Variants in CRACD observed in about 807,000 individuals in gnomAD.
The protein encoded by CRACD is capping protein inhibiting regulator of actin dynamics.
A neutral mutation model predicts 106.8 loss-of-function variants in CRACD; 56 were observed. The ratio of observed to expected loss-of-function variants is 0.52; its 90% CI spans 0.42 to 0.66. CRACD has a LOEUF of 0.66. Ranked by LOEUF, CRACD falls within the 30% of genes least tolerant of loss-of-function variation. CRACD has a pLI of 0.00. For missense variants in CRACD, 1,730 were observed against 1,623.2 expected (o/e 1.07, Z -1.13); for synonymous variants, 754 against 670.8 (o/e 1.12, Z -1.92).
intron 3 of CRACD, among the ~76,000 whole-genome samples, chr4:56,295,364 C>A (rs962966908): frequency 2.0e-5 from 3 of 151,990 alleles, no homozygotes; most frequent in Non-Finnish European, 2.9e-5. Context: ...ATAAATGTTA[C>A]CACTGTGACC....
chr4:56,070,096 G>C (rs972330201), intron 1 of CRACD, among the ~76,000 whole-genome samples: 2 of 152,186 alleles, frequency 1.3e-5, no homozygotes, highest in African/African-American at 4.8e-5. Flanking sequence ...AATCGAGAAA[G>C]TCGGTAGCTT....
At chr4:56,126,776 A>G (rs1429340009) in intron 1 of CRACD, among the ~76,000 whole-genome samples, 3 of 152,216 alleles carry the variant, frequency 2.0e-5, no homozygotes, top group Non-Finnish European at 4.4e-5. Context: ...TCAAAATATT[A>G]TGATCCCACT....
chr4:56,236,413 G>A (rs545523438), intron 2 of CRACD, among the ~76,000 whole-genome samples: 1 of 152,270 alleles, frequency 6.6e-6, no homozygotes, highest in South Asian at 2.1e-4. Flanking sequence ...CCATGTTGTG[G>A]TACTTTATTG....
At chr4:56,108,856 G>T (rs1339460894) in intron 1 of CRACD, among the ~76,000 whole-genome samples, 1 of 152,196 alleles carries the variant, frequency 6.6e-6, no homozygotes, top group African/African-American at 2.4e-5. Flanking sequence ...TATCTACTAC[G>T]AACTTCAAAG....
chr4:56,249,904 C>G (rs1046878528), intron 2 of CRACD, among the ~76,000 whole-genome samples: 3 of 152,136 alleles, frequency 2.0e-5, no homozygotes, highest in South Asian at 2.1e-4. Flanking sequence ...ATGTGTTTGT[C>G]CAGAATTGTA....
chr4:56,327,585 GA>G, intron 10 of CRACD, 58 bp from the exon 11 acceptor site: 1 of 1,496,398 alleles, frequency 6.7e-7, no homozygotes, highest in Admixed American at 1.9e-5. Flanking sequence ...TAATTAAAAA[GA>G]AAATTTGTAG....
chr4:56,089,467 G>A (rs1454253217), intron 1 of CRACD, among the ~76,000 whole-genome samples: 1 of 152,006 alleles, frequency 6.6e-6, no homozygotes, highest in Admixed American at 6.6e-5. Flanking sequence ...TGTGTGTGCA[G>A]GAACTATTTA....
At chr4:56,060,727 A>G (rs1426302090) in intron 1 of CRACD, among the ~76,000 whole-genome samples, 1 of 152,132 alleles carries the variant, frequency 6.6e-6, no homozygotes, top group Non-Finnish European at 1.5e-5. Flanking sequence ...AGGTGATGGT[A>G]TTAGGAAGTG....
chr4:56,213,747 C>T (rs1223223754), intron 2 of CRACD, among the ~76,000 whole-genome samples: 1 of 152,184 alleles, frequency 6.6e-6, no homozygotes, highest in East Asian at 1.9e-4. Flanking sequence ...AGTTGGTCAC[C>T]TTTGATTGGC....
intron 1 of CRACD, among the ~76,000 whole-genome samples, chr4:56,071,984 C>G (rs913449927): frequency 6.6e-6 from 1 of 151,528 alleles, no homozygotes; most frequent in African/African-American, 2.4e-5. Context: ...AAAAATTAGC[C>G]GGGCGTGGTG....
In CRACD at chr4:56,330,609, A is replaced by T. The variant is rs563233895; in HGVS notation, c.*2805A>T. Among the ~76,000 whole-genome samples the T allele has an allele frequency of 1.3e-5, 2 of 152,230 alleles. No individual in the cohort carries two copies. Among genetic ancestry groups the T allele is most frequent in the African/African-American group, 4.8e-5 (2 of 41,462 alleles). ...TCTTTCAATAAAAAATACCCACGAG[A>T]TCTTCGGCACTGATGGAATTTGATT... On this transcript the variant is annotated 3_prime_UTR_variant, in exon 11 of 11. Transcript: ENST00000682029.
intron 2 of CRACD, among the ~76,000 whole-genome samples, chr4:56,233,865 CTCTTA>C (rs1021368802): frequency 2.0e-4 from 30 of 152,176 alleles, no homozygotes; most frequent in Middle Eastern, 3.4e-3. Flanking sequence ...TTTTTTATTT[CTCTTA>C]TAATTGTTTT....
At chr4:56,075,630 C>T (rs1157906781) in intron 1 of CRACD, among the ~76,000 whole-genome samples, 1 of 152,120 alleles carries the variant, frequency 6.6e-6, no homozygotes, top group African/African-American at 2.4e-5. Context: ...CCCCCAAACC[C>T]CTAGCAACCA....
At chr4:56,191,354 A>G (rs1426528111) in intron 2 of CRACD, among the ~76,000 whole-genome samples, 2 of 151,656 alleles carry the variant, frequency 1.3e-5, no homozygotes, top group African/African-American at 4.8e-5. Flanking sequence ...AACCAGCTGC[A>G]TAGCATCTTC....
chr4:56,224,756 T>C (rs1202458611), intron 2 of CRACD, among the ~76,000 whole-genome samples: 1 of 152,228 alleles, frequency 6.6e-6, no homozygotes, highest in Non-Finnish European at 1.5e-5. Flanking sequence ...TAATCCTGCT[T>C]CAAACATGTT....
chr4:56,157,620 C>T (rs921365548), intron 1 of CRACD, among the ~76,000 whole-genome samples: 2 of 152,124 alleles, frequency 1.3e-5, no homozygotes, highest in African/African-American at 2.4e-5. Context: ...CGGTCTTTTA[C>T]GTCTTACACT....
chr4:56,144,303 G>A (rs1331878450), intron 1 of CRACD, among the ~76,000 whole-genome samples: 5 of 152,270 alleles, frequency 3.3e-5, no homozygotes, highest in East Asian at 1.9e-4. Context: ...CCAAAATTAA[G>A]GAGGAGCCAT....
intron 3 of CRACD, among the ~76,000 whole-genome samples, chr4:56,276,342 A>G (rs570324315): frequency 6.6e-6 from 1 of 152,242 alleles, no homozygotes; most frequent in Non-Finnish European, 1.5e-5. Flanking sequence ...TTTATGTGGG[A>G]CTCGACAGAA....
intron 2 of CRACD, among the ~76,000 whole-genome samples, chr4:56,182,475 G>A (rs1736872248): frequency 6.6e-6 from 1 of 151,446 alleles, no homozygotes; most frequent in African/African-American, 2.4e-5. Flanking sequence ...GCATGTCCTA[G>A]CTATCTGCAG....
Sources: allele counts gnomAD v4.1 joint callset (sites outside exome capture counted in the v4.1 genomes callset), GRCh38; gene constraint gnomAD v4.1.1; transcripts MANE v1.5; gene names NCBI Gene and HGNC (gene_info 2026-07-23, HGNC 2026-07-21).